IL1RAPL2: variants seen among roughly 807,000 people sequenced by gnomAD.
IL1RAPL2 encodes the protein interleukin 1 receptor accessory protein like 2.
In IL1RAPL2, 3 loss-of-function variants were observed where a neutral mutation model predicts 44.1. That is an observed-to-expected ratio of 0.07 (90% CI 0.03 to 0.18). IL1RAPL2 has a LOEUF of 0.18. Ranked by LOEUF, IL1RAPL2 falls within the 10% of genes least tolerant of loss-of-function variation. The pLI is 1.00. For missense variants in IL1RAPL2, 391 were observed against 496.4 expected (o/e 0.79, Z 2.02); for synonymous variants, 181 against 178.8 (o/e 1.01, Z -0.10).
In IL1RAPL2 at chrX:105,580,383, A is replaced by G. The variant is rs1200658170; in HGVS notation, c.772+95996A>G. On this transcript the variant is annotated intron_variant, in intron 6 of 10. Coordinates refer to ENST00000372582, the MANE Select transcript of IL1RAPL2 (RefSeq NM_017416.2). ...CCGTGTTTTTTTTTTTTTTTTTTGC[A>G]TACTTTGGTGAAGGCCACTTCCTTT... Among the ~76,000 whole-genome samples the G allele has an allele frequency of 2.3e-5, 2 of 86,923 alleles. 1 individual carries two copies. Among genetic ancestry groups the G allele is most frequent in the African/African-American group, 9.0e-5 (2 of 22,115 alleles). The allele number at this position is 86,923 out of a possible 115,157, so 75.5% of individuals were successfully genotyped here.
chrX:105,061,780 A>G (rs1173224892), intron 2 of IL1RAPL2, among the ~76,000 whole-genome samples: 1 of 111,847 alleles, frequency 8.9e-6, no homozygotes, highest in Non-Finnish European at 1.9e-5. Flanking sequence ...TAGCCCCTTT[A>G]TCATTGTATA....
At chrX:104,803,059 A>C (rs1376245091) in intron 2 of IL1RAPL2, among the ~76,000 whole-genome samples, 1 of 112,116 alleles carries the variant, frequency 8.9e-6, no homozygotes, top group Non-Finnish European at 1.9e-5. Flanking sequence ...CTTGGGATAA[A>C]GAAGGAGGAT....
chrX:104,906,188 C>T (rs1293218046), intron 2 of IL1RAPL2, among the ~76,000 whole-genome samples: 1 of 111,481 alleles, frequency 9.0e-6, no homozygotes, highest in South Asian at 3.8e-4. Context: ...TGCTTATCAG[C>T]TTGAGGAGAT....
chrX:105,571,569 C>T (rs2037014398), intron 6 of IL1RAPL2, among the ~76,000 whole-genome samples: 1 of 110,813 alleles, frequency 9.0e-6, no homozygotes, highest in Non-Finnish European at 1.9e-5. Context: ...CCTCTGTTGC[C>T]CTCATCCACA....
intron 2 of IL1RAPL2, among the ~76,000 whole-genome samples, chrX:104,943,917 C>A (rs1486047979): frequency 8.9e-6 from 1 of 111,926 alleles, no homozygotes; most frequent in Non-Finnish European, 1.9e-5. Context: ...GATTAGCACT[C>A]AATAAATATT....
intron 6 of IL1RAPL2, among the ~76,000 whole-genome samples, chrX:105,554,397 T>C (rs771117705): frequency 6.6e-4 from 74 of 112,342 alleles, no homozygotes; most frequent in African/African-American, 2.4e-3. Flanking sequence ...TTATAATATA[T>C]CTTGGTGTGG....
In IL1RAPL2 at chrX:105,767,479, G is replaced by A. The variant is rs771019228; in HGVS notation, c.1879G>A (p.Ala627Thr). The change falls in exon 11 of 11, where the codon GCC (alanine) becomes ACC (threonine). Residue 627 changes from alanine to threonine, a missense_variant. Physicochemically the swap from Ala to Thr is moderately conservative, Grantham distance 58 (BLOSUM62 0). Around this residue, in one of 2 missense-constraint regions of IL1RAPL2, gnomAD observed 232 missense variants for 244.8 expected, o/e 0.95. Transcript: ENST00000372582. ...CCRGYKHEIP[A>T]TTLPVPSLGN... ...CAGAGGTTATAAACATGAGATACCA[G>A]CCACGACCTTGCCAGTACCTTCCTT... 5.6e-5 allele frequency: 68 copies of A among 1,209,521 alleles called. 1 individual carries two copies. The highest frequency in any genetic ancestry group is 1.1e-4 in the South Asian group (6 of 56,817).
chrX:104,612,375 G>C (rs952485485), intron 1 of IL1RAPL2, among the ~76,000 whole-genome samples: 1 of 111,648 alleles, frequency 9.0e-6, no homozygotes, highest in African/African-American at 3.3e-5. Context: ...GAAAGATAGG[G>C]GTCCAGTTTC....
intron 2 of IL1RAPL2, among the ~76,000 whole-genome samples, chrX:104,910,207 T>C (rs1220641469): frequency 4.5e-5 from 5 of 111,998 alleles, no homozygotes; most frequent in African/African-American, 1.6e-4. Flanking sequence ...TCGCCATGCT[T>C]CGGCTCGCTC....
chrX:105,473,147 G>A (rs992065286), intron 5 of IL1RAPL2, among the ~76,000 whole-genome samples: 1 of 111,755 alleles, frequency 8.9e-6, no homozygotes, highest in African/African-American at 3.2e-5. Flanking sequence ...TTACATTTTG[G>A]TTCTGGCTCT....
At chrX:105,025,770 T>A (rs1295492150) in intron 2 of IL1RAPL2, among the ~76,000 whole-genome samples, 1 of 111,519 alleles carries the variant, frequency 9.0e-6, no homozygotes, top group Non-Finnish European at 1.9e-5. Context: ...CCATTAACCA[T>A]GATATTGTTT....
At chrX:105,127,331 CTG>C (rs1337424366) in intron 2 of IL1RAPL2, among the ~76,000 whole-genome samples, 1 of 111,321 alleles carries the variant, frequency 9.0e-6, no homozygotes, top group Non-Finnish European at 1.9e-5. Flanking sequence ...TCCCCAAAGG[CTG>C]TCAACCAAGT....
intron 2 of IL1RAPL2, among the ~76,000 whole-genome samples, chrX:104,671,914 T>C (rs1001290566): frequency 9.0e-6 from 1 of 111,243 alleles, no homozygotes; most frequent in Non-Finnish European, 1.9e-5. Flanking sequence ...ATCAGGGCCT[T>C]TGAAACTCTA....
chrX:105,317,866 T>TTA (rs1232916998), intron 5 of IL1RAPL2, among the ~76,000 whole-genome samples: 1 of 111,804 alleles, frequency 8.9e-6, no homozygotes, highest in Non-Finnish European at 1.9e-5. Flanking sequence ...AAACTGAGGC[T>TTA]TAGTACAGTT....
At chrX:104,783,204 A>T (rs1932783183) in intron 2 of IL1RAPL2, among the ~76,000 whole-genome samples, 1 of 111,929 alleles carries the variant, frequency 8.9e-6, no homozygotes, top group African/African-American at 3.2e-5. Flanking sequence ...GCAGGTAGGT[A>T]CTTTATGTAA....
intron 5 of IL1RAPL2, among the ~76,000 whole-genome samples, chrX:105,401,208 G>C (rs1302717483): frequency 9.0e-6 from 1 of 111,237 alleles, no homozygotes; most frequent in Admixed American, 9.6e-5. Context: ...TATGAGTTTT[G>C]GAGGGGCTGA....
At chrX:104,620,134 A>G (rs866899624) in intron 1 of IL1RAPL2, among the ~76,000 whole-genome samples, 22 of 111,150 alleles carry the variant, frequency 2.0e-4, no homozygotes, top group African/African-American at 7.2e-4. Flanking sequence ...TAGAAGTCAC[A>G]TTGTGAGGGA....
At chrX:104,772,410 C>T (rs1351436361) in intron 2 of IL1RAPL2, among the ~76,000 whole-genome samples, 2 of 112,086 alleles carry the variant, frequency 1.8e-5, no homozygotes, top group East Asian at 5.6e-4. Context: ...TTTGTTAAAC[C>T]ACTCAGATAT....
At chrX:105,633,458 T>C (rs2037504237) in intron 6 of IL1RAPL2, among the ~76,000 whole-genome samples, 1 of 111,731 alleles carries the variant, frequency 9.0e-6, no homozygotes, top group Admixed American at 9.5e-5. Context: ...CTTCAAAGAA[T>C]ATAAATACAG....
Sources: allele counts gnomAD v4.1 joint callset (sites outside exome capture counted in the v4.1 genomes callset), GRCh38; gene constraint gnomAD v4.1.1; regional missense constraint gnomAD v4.1.1; transcripts MANE v1.5; gene names NCBI Gene and HGNC (gene_info 2026-07-23, HGNC 2026-07-21).